The following ERC1 variants were observed in gnomAD, a reference collection of about 807,000 sequenced individuals.
ERC1 encodes the protein ELKS/RAB6-interacting/CAST family member 1, also known as RAB6 interacting protein 2.
In ERC1, 56 loss-of-function variants were observed where a neutral mutation model predicts 132.0. The ratio of observed to expected loss-of-function variants is 0.42; its 90% CI spans 0.34 to 0.53. The LOEUF is 0.53. Among genes scored for constraint, ERC1 ranks in the 20% least tolerant of loss-of-function variants. The probability of loss-of-function intolerance (pLI) is 0.03; values close to 1 mark genes in which losing one functional copy is unlikely to be tolerated. For synonymous variants in ERC1, 478 were observed against 476.1 expected (o/e 1.00, Z -0.05); for missense variants, 1,202 against 1,349.9 (o/e 0.89, Z 1.72).
chr12:1,161,780 G>C (rs898612313), intron 8 of ERC1, among the ~76,000 whole-genome samples: 1 of 152,074 alleles, frequency 6.6e-6, no homozygotes, highest in African/African-American at 2.4e-5. Flanking sequence ...TCAGACACTT[G>C]TTCCCTAAGG....
chr12:1,224,701 C>T (rs1168947332), intron 12 of ERC1, among the ~76,000 whole-genome samples: 5 of 152,006 alleles, frequency 3.3e-5, no homozygotes, highest in African/African-American at 1.2e-4. Context: ...AAAAAATAGG[C>T]TGGGCGCTGT....
chr12:1,396,888 C>T (rs1048256865), intron 16 of ERC1, among the ~76,000 whole-genome samples: 3 of 152,122 alleles, frequency 2.0e-5, no homozygotes, highest in East Asian at 1.9e-4. Context: ...AAGCAAGACT[C>T]GTTCAGTCAA....
intron 14 of ERC1, among the ~76,000 whole-genome samples, chr12:1,265,594 G>C (rs2077428408): frequency 6.6e-6 from 1 of 152,174 alleles, no homozygotes; most frequent in South Asian, 2.1e-4. Flanking sequence ...GTGGTCCATA[G>C]TTGAGGGTTC....
intron 7 of ERC1, among the ~76,000 whole-genome samples, chr12:1,124,618 T>TA (rs1947943421): frequency 7.4e-6 from 1 of 135,080 alleles, no homozygotes; most frequent in Non-Finnish European, 1.6e-5. Flanking sequence ...AAAAAACAGT[T>TA]AATCCAAAAA....
chr12:1,270,907 A>G (rs1408949000), intron 14 of ERC1, among the ~76,000 whole-genome samples: 3 of 152,136 alleles, frequency 2.0e-5, no homozygotes, highest in Non-Finnish European at 4.4e-5. Flanking sequence ...AAAGAGAAAA[A>G]GGAAAATGTA....
intron 2 of ERC1, among the ~76,000 whole-genome samples, chr12:1,063,362 G>A (rs772863154): frequency 5.3e-5 from 8 of 151,926 alleles, no homozygotes; most frequent in Non-Finnish European, 1.0e-4. Flanking sequence ...CTGGGTTCCA[G>A]TGATGCCCCT....
intron 8 of ERC1, among the ~76,000 whole-genome samples, chr12:1,177,248 G>C (rs191123990): frequency 6.6e-6 from 1 of 152,126 alleles, no homozygotes; most frequent in South Asian, 2.1e-4. Context: ...TGTGTTCATC[G>C]GAGTGGCACT....
chr12:1,338,311 A>G (rs1468519663), intron 15 of ERC1, among the ~76,000 whole-genome samples: 2 of 152,084 alleles, frequency 1.3e-5, no homozygotes, highest in African/African-American at 2.4e-5. Flanking sequence ...CACTATCCTC[A>G]CCTTGGTCTA....
intron 2 of ERC1, among the ~76,000 whole-genome samples, chr12:1,054,598 G>A (rs1972600021): frequency 2.0e-5 from 3 of 152,032 alleles, no homozygotes; most frequent in Admixed American, 2.0e-4. Flanking sequence ...TGCATTATCT[G>A]GGATGGCATG....
rs568725878 is a variant in ERC1 at position 1,407,796 on chromosome 12, A to G, written c.2926-353A>G. Among the ~76,000 whole-genome samples the G allele has an allele frequency of 9.2e-5, 14 of 152,282 alleles. No individual in the cohort carries two copies. The South Asian group carries it at 2.9e-3, about 32-fold the overall frequency. On this transcript the variant is annotated intron_variant, in intron 16 of 18. Coordinates refer to ENST00000360905, the MANE Select transcript of ERC1 (RefSeq NM_178040.4). ...CTGGATCCTCATATGACAGAGATAT[A>G]AAGAGAAATCCCTCTATTTTTCTCT...
chr12:1,171,931 G>A (rs1392409125), intron 8 of ERC1, among the ~76,000 whole-genome samples: 1 of 152,192 alleles, frequency 6.6e-6, no homozygotes, highest in Non-Finnish European at 1.5e-5. Flanking sequence ...CTGTGCCAAT[G>A]TGGAATTAGT....
chr12:1,307,046 C>A (rs146856015), intron 15 of ERC1, among the ~76,000 whole-genome samples: 1 of 152,130 alleles, frequency 6.6e-6, no homozygotes, highest in African/African-American at 2.4e-5. Flanking sequence ...GTTTATGACA[C>A]GTCAGTGTTC....
intron 16 of ERC1, among the ~76,000 whole-genome samples, chr12:1,377,077 A>C (rs10848465): frequency 0.41 from 61,590 of 151,982 alleles, 13,711 homozygotes; most frequent in African/African-American, 0.59. Flanking sequence ...TTAATCCTCC[A>C]AAGACCGCTT....
chr12:1,240,094 A>G (rs1382884103), intron 13 of ERC1, among the ~76,000 whole-genome samples: 2 of 152,226 alleles, frequency 1.3e-5, no homozygotes, highest in African/African-American at 2.4e-5. Context: ...TGAAGGGGCT[A>G]TCACTGGCCT....
chr12:1,043,544 G>C (rs76598632), intron 2 of ERC1, among the ~76,000 whole-genome samples: 1 of 152,116 alleles, frequency 6.6e-6, no homozygotes, highest in African/African-American at 2.4e-5. Context: ...CTAGGATTTA[G>C]GGTGGAGAGG....
chr12:1,227,981 C>G (rs1458715410), intron 12 of ERC1, among the ~76,000 whole-genome samples: 1 of 152,122 alleles, frequency 6.6e-6, no homozygotes, highest in East Asian at 1.9e-4. Context: ...GCATTTATTT[C>G]TGGGTTTTCT....
At chr12:1,299,703 G>GT (rs113876743) in intron 15 of ERC1, among the ~76,000 whole-genome samples, 5,281 of 151,954 alleles carry the variant, frequency 0.035, 101 homozygotes, top group Middle Eastern at 0.075. Context: ...ATTCATAACC[G>GT]GGTTCTTTAA....
At chr12:1,221,150 G>A (rs1240023595) in intron 12 of ERC1, among the ~76,000 whole-genome samples, 1 of 151,736 alleles carries the variant, frequency 6.6e-6, no homozygotes, top group Non-Finnish European at 1.5e-5. Flanking sequence ...TGAGATTTTT[G>A]TCCGTTTTGT....
chr12:1,060,431 G>T (rs1191285989), intron 2 of ERC1, among the ~76,000 whole-genome samples: 8 of 152,040 alleles, frequency 5.3e-5, no homozygotes, highest in African/African-American at 1.9e-4. Flanking sequence ...GCGGTGTTTG[G>T]TTTTTTGTCC....
Sources: allele counts gnomAD v4.1 joint callset (sites outside exome capture counted in the v4.1 genomes callset), GRCh38; gene constraint gnomAD v4.1.1; transcripts MANE v1.5; gene names NCBI Gene and HGNC (gene_info 2026-07-23, HGNC 2026-07-21).